Variants in IFT52 observed in about 807,000 individuals in gnomAD.
IFT52 encodes the protein intraflagellar transport protein 52 homolog.
In IFT52, 44 loss-of-function variants were observed where a neutral mutation model predicts 54.4. That is an observed-to-expected ratio of 0.81 (90% CI 0.63 to 1.04). The LOEUF (loss-of-function observed/expected upper bound fraction) is 1.04, where lower values mean the gene tolerates loss of function less well. Ranked by LOEUF, IFT52 falls within the 50% of genes least tolerant of loss-of-function variation. The pLI, the probability that IFT52 is intolerant of heterozygous loss-of-function variation, is 0.00. For missense variants in IFT52, 452 were observed against 523.6 expected (o/e 0.86, Z 1.33); for synonymous variants, 181 against 185.3 (o/e 0.98, Z 0.19).
intron 10 of IFT52, among the ~76,000 whole-genome samples, chr20:43,625,970 AGGCT>A (rs1984682692): frequency 7.0e-6 from 1 of 142,296 alleles, no homozygotes; most frequent in South Asian, 2.4e-4. Context: ...CCAAAGGTTA[AGGCT>A]GCAGTGACCC....
intron 1 of IFT52, among the ~76,000 whole-genome samples, chr20:43,591,800 G>A (rs544426217): frequency 2.0e-3 from 311 of 152,272 alleles, no homozygotes; most frequent in African/African-American, 7.1e-3. Flanking sequence ...CTACTTGGTA[G>A]GCTGAGGCGG....
intron 6 of IFT52, among the ~76,000 whole-genome samples, chr20:43,613,044 C>T (rs1260674007): frequency 6.6e-6 from 1 of 152,208 alleles, no homozygotes; most frequent in Non-Finnish European, 1.5e-5. Flanking sequence ...GACCAATTCA[C>T]TCTAGATAAT....
chr20:43,608,140 AGAGAGGGAGAGGGAGACCGTGGG>A (rs988001812), intron 6 of IFT52, among the ~76,000 whole-genome samples: 22 of 152,118 alleles, frequency 1.4e-4, no homozygotes, highest in East Asian at 5.8e-4. Context: ...GACCGTGGAA[AGAGAGGGAGAGGGAGACCGTGGG>A]GAGAGGGAGA....
At chr20:43,631,244 T>C (rs755555272) in intron 10 of IFT52, among the ~76,000 whole-genome samples, 2 of 152,200 alleles carry the variant, frequency 1.3e-5, no homozygotes, top group Non-Finnish European at 2.9e-5. Context: ...CACAGTTGTA[T>C]TGAGGATTAA....
At chr20:43,622,365 G>A (rs987799239) in intron 9 of IFT52, among the ~76,000 whole-genome samples, 1 of 152,066 alleles carries the variant, frequency 6.6e-6, no homozygotes, top group Non-Finnish European at 1.5e-5. Flanking sequence ...TTGGGAGGCC[G>A]AGGCGGGCGG....
Position 43,623,959 on chromosome 20 carries a change from G to A in IFT52, c.837G>A (p.Glu279=), listed in dbSNP as rs933696145. The part of the protein sequence containing the change: ...LSKRNRECLQ[E]SDEIPRDFTT... ...AGCGGAATCGAGAGTGTCTCCAGGA[G>A]AGTGATGAGATCCCAAGGGACTTTA... The change falls in exon 10 of 14, where the codon GAG becomes GAA. Residue 279 remains glutamate (E), a synonymous_variant. Coordinates refer to ENST00000373030, the MANE Select transcript of IFT52 (RefSeq NM_016004.5). 5.0e-6 allele frequency: 8 copies of A among 1,614,120 alleles called. No individual in the cohort carries two copies. The highest frequency in any genetic ancestry group is 6.8e-6 in the Non-Finnish European group (8 of 1,180,020).
chr20:43,622,479 TGTAGTCC>T (rs1984376397), intron 9 of IFT52, among the ~76,000 whole-genome samples: 1 of 151,478 alleles, frequency 6.6e-6, no homozygotes, highest in African/African-American at 2.4e-5. Context: ...GGCAGGCACC[TGTAGTCC>T]CAGCTACTCG....
At chr20:43,636,805 T>C (rs1985567541) in intron 11 of IFT52, among the ~76,000 whole-genome samples, 1 of 152,222 alleles carries the variant, frequency 6.6e-6, no homozygotes, top group African/African-American at 2.4e-5. Flanking sequence ...TTAATTAGCA[T>C]TGGTATGTCA....
chr20:43,646,407 T>C (rs947813004), intron 13 of IFT52, among the ~76,000 whole-genome samples: 11 of 152,098 alleles, frequency 7.2e-5, no homozygotes, highest in African/African-American at 1.7e-4. Context: ...ACTCTCCACG[T>C]CTAGCATGGT....
chr20:43,596,342 G>A, intron 2 of IFT52, 93 bp from the exon 3 acceptor site: 1 of 740,088 alleles, frequency 1.4e-6, no homozygotes, highest in African/African-American at 1.8e-5. Context: ...GAGCCTCTGT[G>A]GCCTCTGCTT....
At chr20:43,634,919 T>G (rs754670698) in intron 10 of IFT52, among the ~76,000 whole-genome samples, 4 of 152,012 alleles carry the variant, frequency 2.6e-5, no homozygotes, top group Non-Finnish European at 5.9e-5. Flanking sequence ...GCCTGTAATC[T>G]CAGCACTTTG....
Position 43,631,989 on chromosome 20 carries a change from G to A in IFT52, c.924-3937G>A, listed in dbSNP as rs1260127989. On this transcript the variant is annotated intron_variant, in intron 10 of 13. Coordinates refer to ENST00000373030, the MANE Select transcript of IFT52 (RefSeq NM_016004.5). ...TGCCCAGGCTGGAGTGCAACGGCACGATCTCCGCTCACCACAACCTCCGCC... is the reference window on the plus strand; with the variant it reads ...TGCCCAGGCTGGAGTGCAACGGCACAATCTCCGCTCACCACAACCTCCGCC... Among the ~76,000 whole-genome samples the A allele has an allele frequency of 5.3e-5, 8 of 149,768 alleles. No homozygotes were observed. In the South Asian group the frequency reaches 1.3e-3, roughly 24 times the overall value.
intron 13 of IFT52, among the ~76,000 whole-genome samples, chr20:43,643,331 TA>T (rs1986057740): frequency 1.9e-5 from 1 of 51,958 alleles, no homozygotes; most frequent in Non-Finnish European, 4.5e-5. Context: ...ACTAAAAATA[TA>T]AAAATTAACC....
intron 10 of IFT52, among the ~76,000 whole-genome samples, chr20:43,627,361 A>G (rs1984804651): frequency 6.6e-6 from 1 of 152,222 alleles, no homozygotes; most frequent in African/African-American, 2.4e-5. Context: ...TTGAGAATTT[A>G]TCATTGGATT....
At chr20:43,618,477 G>A (rs562402788) in intron 7 of IFT52, 15 of 152,802 alleles carry the variant, frequency 9.8e-5, no homozygotes, top group African/African-American at 3.4e-4. Context: ...TATTATAGTT[G>A]GTCTTTCTTT....
intron 10 of IFT52, among the ~76,000 whole-genome samples, chr20:43,631,480 C>T (rs1214741864): frequency 6.6e-6 from 1 of 152,172 alleles, no homozygotes; most frequent in Non-Finnish European, 1.5e-5. Flanking sequence ...GATCTTTGTC[C>T]ACTCATTGGC....
At chr20:43,608,193 G>C (rs1465520840) in intron 6 of IFT52, among the ~76,000 whole-genome samples, 1 of 152,080 alleles carries the variant, frequency 6.6e-6, no homozygotes, top group Non-Finnish European at 1.5e-5. Flanking sequence ...AGAGGGAGTG[G>C]GAGTATTTTT....
intron 10 of IFT52, among the ~76,000 whole-genome samples, chr20:43,627,910 G>T (rs1284353250): frequency 6.8e-5 from 8 of 117,190 alleles, no homozygotes; most frequent in African/African-American, 1.5e-4. Flanking sequence ...TATATAGAGA[G>T]AGAGAGAGAG....
At chr20:43,600,461 C>A (rs959168979) in intron 3 of IFT52, among the ~76,000 whole-genome samples, 4 of 152,008 alleles carry the variant, frequency 2.6e-5, no homozygotes, top group Non-Finnish European at 4.4e-5. Context: ...CCCACCACCA[C>A]GCCCGGCTAA....
Sources: allele counts gnomAD v4.1 joint callset (sites outside exome capture counted in the v4.1 genomes callset), GRCh38; gene constraint gnomAD v4.1.1; transcripts MANE v1.5; gene names NCBI Gene and HGNC (gene_info 2026-07-23, HGNC 2026-07-21).